The following HERC4 variants were observed in gnomAD, a reference collection of about 807,000 sequenced individuals.
HERC4 encodes HECT and RLD domain containing E3 ubiquitin protein ligase 4, also known as probable E3 ubiquitin-protein ligase HERC4.
A neutral mutation model predicts 124.3 loss-of-function variants in HERC4; 28 were observed. That is an observed-to-expected ratio of 0.23 (90% CI 0.17 to 0.31). The LOEUF is 0.31. HERC4 is among the 10% of genes least tolerant of loss of function. The pLI is 1.00. For missense variants in HERC4, 713 were observed against 1,229.3 expected, an observed-to-expected ratio of 0.58 and a Z score of 6.28; for synonymous variants, 407 against 421.5, an observed-to-expected ratio of 0.97 and a Z score of 0.42.
At chr10:67,999,500 A>G (rs1324343099) in intron 9 of HERC4, among the ~76,000 whole-genome samples, 2 of 152,222 alleles carry the variant, frequency 1.3e-5, no homozygotes, top group African/African-American at 4.8e-5. Context: ...CAATGTATAC[A>G]TCAAAGAAAA....
chr10:68,038,365 AT>A, intron 4 of HERC4, 196 bp from the exon 5 acceptor site: 15 of 397,168 alleles, frequency 3.8e-5, no homozygotes, highest in East Asian at 1.4e-4. Context: ...AAAAAAAAAA[AT>A]TAAAGGGGTG....
At chr10:68,043,478 A>G (rs1280665448) in intron 4 of HERC4, among the ~76,000 whole-genome samples, 1 of 152,208 alleles carries the variant, frequency 6.6e-6, no homozygotes, top group Non-Finnish European at 1.5e-5. Context: ...TGAAATCTGT[A>G]TATTTTTACC....
At chr10:67,957,817 T>TGGG (rs2034243223) in intron 16 of HERC4, among the ~76,000 whole-genome samples, 1 of 152,142 alleles carries the variant, frequency 6.6e-6, no homozygotes, top group African/African-American at 2.4e-5. Context: ...TCTGCATTTT[T>TGGG]TTTTCCCCCA....
chr10:67,957,185 A>T (rs1164935466), intron 16 of HERC4, among the ~76,000 whole-genome samples: 1 of 152,254 alleles, frequency 6.6e-6, no homozygotes, highest in Non-Finnish European at 1.5e-5. Flanking sequence ...GGGCGACTGT[A>T]TACTTGAGAG....
At chr10:67,981,101 A>G (rs1202959821) in intron 15 of HERC4, among the ~76,000 whole-genome samples, 1 of 152,216 alleles carries the variant, frequency 6.6e-6, no homozygotes, top group Non-Finnish European at 1.5e-5. Flanking sequence ...AAAGACATAA[A>G]GCTGCATGAA....
At chr10:67,942,975 G>A (rs1333594995) in intron 19 of HERC4, among the ~76,000 whole-genome samples, 1 of 152,104 alleles carries the variant, frequency 6.6e-6, no homozygotes, top group Non-Finnish European at 1.5e-5. Context: ...CTGAAAATCA[G>A]AGATACATAT....
At chr10:68,022,021 A>G (rs2038654946) in intron 8 of HERC4, among the ~76,000 whole-genome samples, 2 of 152,226 alleles carry the variant, frequency 1.3e-5, no homozygotes, top group South Asian at 4.1e-4. Context: ...TTGGAAGGAA[A>G]TAAAATTTTA....
In HERC4 at chr10:67,949,910, T is replaced by C. The variant is rs574568241; in HGVS notation, c.2337+4685A>G. Among the ~76,000 whole-genome samples the C allele has an allele frequency of 3.9e-5, 6 of 152,008 alleles. No homozygotes were observed. The East Asian group carries it at 1.2e-3, about 30-fold the overall frequency. On this transcript the variant is annotated intron_variant, in intron 19 of 24. Coordinates refer to ENST00000373700, the MANE Select transcript of HERC4 (RefSeq NM_015601.4). ...GGCGCACACCTGTAATCTCAGCTACTTGGGAGGCTGAGGCAAGAGAATCGC... is the reference window on the plus strand; with the variant it reads ...GGCGCACACCTGTAATCTCAGCTACCTGGGAGGCTGAGGCAAGAGAATCGC...
intron 19 of HERC4, among the ~76,000 whole-genome samples, chr10:67,947,969 A>G (rs544657913): frequency 3.4e-4 from 52 of 151,284 alleles, no homozygotes; most frequent in South Asian, 1.0e-3. Context: ...GATTACAGGC[A>G]TGAGCCACCA....
intron 3 of HERC4, among the ~76,000 whole-genome samples, chr10:68,055,139 G>A (rs2040489656): frequency 6.6e-6 from 1 of 151,840 alleles, no homozygotes. Context: ...CCAGGCTGAT[G>A]GTAACTGATA....
chr10:67,953,424 T>C lies in HERC4; in HGVS notation c.2337+1171A>G, dbSNP rs773544800. Among the ~76,000 whole-genome samples the C allele has an allele frequency of 5.7e-4, 87 of 152,326 alleles. No individual in the cohort carries two copies. The Middle Eastern group carries it at 0.014, about 24-fold the overall frequency. On this transcript the variant is annotated intron_variant, in intron 19 of 24. Transcript: ENST00000373700. ...ATAATATTGGTGGTAATGTTGGTACTGTTAGGCAGTAAATGTGTAAGATAA... is the reference window on the plus strand; with the variant it reads ...ATAATATTGGTGGTAATGTTGGTACCGTTAGGCAGTAAATGTGTAAGATAA...
intron 21 of HERC4, among the ~76,000 whole-genome samples, chr10:67,937,227 A>T (rs550623740): frequency 9.4e-4 from 143 of 152,194 alleles, no homozygotes; most frequent in Non-Finnish European, 1.6e-3. Flanking sequence ...GGTAAGGTAT[A>T]TTAAAAAAAA....
intron 19 of HERC4, among the ~76,000 whole-genome samples, chr10:67,946,258 A>G (rs1175507417): frequency 1.3e-5 from 2 of 151,766 alleles, no homozygotes; most frequent in South Asian, 2.1e-4. Flanking sequence ...CAAAAAAAAA[A>G]AAGATGCAAG....
At chr10:67,994,651 C>T (rs10823123) in intron 9 of HERC4, 512 of 152,238 alleles carry the variant, frequency 3.4e-3, no homozygotes, top group Admixed American at 7.7e-3. Flanking sequence ...AGGCTGGTCT[C>T]GAACTCCCAA....
chr10:68,001,195 A>C (rs1049104548), intron 9 of HERC4, among the ~76,000 whole-genome samples: 4 of 152,018 alleles, frequency 2.6e-5, no homozygotes, highest in Non-Finnish European at 5.9e-5. Flanking sequence ...ACATAGTGAG[A>C]CCCCGTCTCT....
chr10:67,960,699 A>T (rs1170629238), intron 16 of HERC4: 1 of 165,388 alleles, frequency 6.0e-6, no homozygotes, highest in Non-Finnish European at 1.3e-5. Flanking sequence ...GTAAATTTTA[A>T]ACACATTCTT....
intron 16 of HERC4, chr10:67,959,075 T>C (rs1482971568): frequency 1.3e-6 from 2 of 1,566,768 alleles, no homozygotes; most frequent in Non-Finnish European, 1.7e-6. Flanking sequence ...ATGGAGTATA[T>C]TTTACTCTAA....
chr10:67,947,397 A>C (rs2033450638), intron 19 of HERC4, among the ~76,000 whole-genome samples: 1 of 152,246 alleles, frequency 6.6e-6, no homozygotes, highest in South Asian at 2.1e-4. Context: ...TCAATTCATC[A>C]AGAAGATACA....
At chr10:68,050,254 T>G (rs1311930920) in intron 3 of HERC4, among the ~76,000 whole-genome samples, 4 of 152,174 alleles carry the variant, frequency 2.6e-5, no homozygotes. Flanking sequence ...GAGGGAACAA[T>G]AGCGTGGTCA....
Sources: allele counts gnomAD v4.1 joint callset (sites outside exome capture counted in the v4.1 genomes callset), GRCh38; gene constraint gnomAD v4.1.1; transcripts MANE v1.5; gene names NCBI Gene and HGNC (gene_info 2026-07-23, HGNC 2026-07-21).